The following HMBOX1 variants were observed in gnomAD, a reference collection of about 807,000 sequenced individuals.
HMBOX1 encodes homeobox-containing protein 1.
A neutral mutation model predicts 54.5 loss-of-function variants in HMBOX1; 14 were observed. The observed-to-expected ratio is 0.26, with a 90% CI of 0.17 to 0.40. The LOEUF (loss-of-function observed/expected upper bound fraction) is 0.40. Ranked by LOEUF, HMBOX1 falls within the 10% of genes least tolerant of loss-of-function variation. HMBOX1 has a pLI of 1.00. For synonymous variants in HMBOX1, 160 were observed against 181.0 expected, an observed-to-expected ratio of 0.88 and a Z score of 0.93; for missense variants, 332 against 514.4, an observed-to-expected ratio of 0.65 and a Z score of 3.43.
At chr8:28,915,997 A>G (rs1235556220) in intron 1 of HMBOX1, 1 of 152,136 alleles carries the variant, frequency 6.6e-6, no homozygotes, top group Non-Finnish European at 1.5e-5. Flanking sequence ...CTCTTACAAC[A>G]TGTCTTAATT....
At chr8:29,050,880 T>G in intron 9 of HMBOX1, 138 bp from the exon 10 acceptor site, 1 of 696,168 alleles carries the variant, frequency 1.4e-6, no homozygotes, top group Non-Finnish European at 2.4e-6. Flanking sequence ...TTAAATACAA[T>G]TTACCTCTAT....
chr8:29,041,613 A>G (rs1804833583), intron 6 of HMBOX1, among the ~76,000 whole-genome samples: 2 of 152,316 alleles, frequency 1.3e-5, no homozygotes, highest in South Asian at 2.1e-4. Flanking sequence ...TAGGGCAAAA[A>G]AAATACCTTT....
chr8:29,020,535 T>G (rs1445849260), intron 6 of HMBOX1, among the ~76,000 whole-genome samples: 1 of 152,246 alleles, frequency 6.6e-6, no homozygotes, highest in Non-Finnish European at 1.5e-5. Flanking sequence ...TATTTAGTCT[T>G]AATTTATGTT....
intron 4 of HMBOX1, among the ~76,000 whole-genome samples, chr8:28,986,653 T>C (rs1830205566): frequency 6.6e-6 from 1 of 152,202 alleles, no homozygotes; most frequent in South Asian, 2.1e-4. Context: ...CAAATCTTCT[T>C]TGAATGTACT....
intron 4 of HMBOX1, among the ~76,000 whole-genome samples, chr8:28,981,318 C>G (rs1305384326): frequency 6.6e-6 from 1 of 151,924 alleles, no homozygotes; most frequent in African/African-American, 2.4e-5. Context: ...GTGTAGAAGT[C>G]TTATACCAAA....
chr8:28,986,237 G>A (rs1470286151), intron 4 of HMBOX1, among the ~76,000 whole-genome samples: 2 of 149,872 alleles, frequency 1.3e-5, no homozygotes, highest in African/African-American at 2.4e-5. Context: ...CTCTCTTCAT[G>A]GTTTGATAGC....
intron 6 of HMBOX1, among the ~76,000 whole-genome samples, chr8:29,025,834 T>G (rs573842827): frequency 6.6e-6 from 1 of 152,144 alleles, no homozygotes; most frequent in South Asian, 2.1e-4. Flanking sequence ...TAACCTCAAG[T>G]GGGTCTTTAA....
At position 29,031,652 on chromosome 8, in the gene HMBOX1, A is replaced by G. The variant is rs563682832; in HGVS notation, c.851+12739A>G. On this transcript the variant is annotated intron_variant, in intron 6 of 9. Transcript: ENST00000287701. Reference sequence around the variant, plus strand: ...TGTGTCCTTATGGAAATTGCTTATTATAAATGACTTTAATAACCATACCTA... The same window carrying G: ...TGTGTCCTTATGGAAATTGCTTATTGTAAATGACTTTAATAACCATACCTA... Among the ~76,000 whole-genome samples the G allele has an allele frequency of 2.2e-3, 328 of 152,174 alleles. 4 individuals carry two copies. Among genetic ancestry groups the G allele is most frequent in the African/African-American group, 7.7e-3 (320 of 41,490 alleles).
At chr8:29,028,320 G>C (rs1349005448) in intron 6 of HMBOX1, among the ~76,000 whole-genome samples, 2 of 152,158 alleles carry the variant, frequency 1.3e-5, no homozygotes, top group African/African-American at 4.8e-5. Context: ...ATCTGAATTA[G>C]AGACATGCAT....
chr8:28,946,949 T>G (rs1238911176), intron 1 of HMBOX1, among the ~76,000 whole-genome samples: 2 of 152,196 alleles, frequency 1.3e-5, no homozygotes, highest in African/African-American at 4.8e-5. Flanking sequence ...TAATTCAGGA[T>G]AAGGGATTTA....
chr8:28,931,578 G>T (rs1358524835), intron 1 of HMBOX1, among the ~76,000 whole-genome samples: 1 of 152,044 alleles, frequency 6.6e-6, no homozygotes, highest in Non-Finnish European at 1.5e-5. Flanking sequence ...ATCTTGCTGT[G>T]CCACTCAGGC....
chr8:28,936,482 T>A (rs1820421995), intron 1 of HMBOX1, among the ~76,000 whole-genome samples: 1 of 151,998 alleles, frequency 6.6e-6, no homozygotes, highest in South Asian at 2.1e-4. Context: ...GCCTAGAAAT[T>A]TCCTCCGTGT....
At chr8:28,948,575 A>G (rs905241266) in intron 1 of HMBOX1, among the ~76,000 whole-genome samples, 11 of 152,202 alleles carry the variant, frequency 7.2e-5, no homozygotes, top group African/African-American at 2.7e-4. Flanking sequence ...CTGAACTCTT[A>G]ACAAAACCTT....
intron 1 of HMBOX1, among the ~76,000 whole-genome samples, chr8:28,901,813 A>G (rs1813285490): frequency 6.6e-6 from 1 of 152,162 alleles, no homozygotes; most frequent in African/African-American, 2.4e-5. Context: ...ATTGCATTCA[A>G]GTAAATTACC....
intron 5 of HMBOX1, among the ~76,000 whole-genome samples, chr8:29,015,579 C>T (rs964250381): frequency 3.1e-4 from 47 of 152,240 alleles, no homozygotes; most frequent in African/African-American, 1.1e-3. Flanking sequence ...ACTGTGAAAC[C>T]CTCCAGCCCC....
chr8:28,891,348 G>A (rs1299913043), intron 1 of HMBOX1: 1 of 152,296 alleles, frequency 6.6e-6, no homozygotes, highest in African/African-American at 2.4e-5. Flanking sequence ...TGTGGAGATG[G>A]ATTTTTTGCA....
At chr8:28,957,889 C>G (rs1824764216) in intron 1 of HMBOX1, among the ~76,000 whole-genome samples, 1 of 152,140 alleles carries the variant, frequency 6.6e-6, no homozygotes, top group African/African-American at 2.4e-5. Flanking sequence ...TGTCGAAGTG[C>G]TGGTATTACA....
intron 4 of HMBOX1, among the ~76,000 whole-genome samples, chr8:28,984,460 A>G (rs1432593199): frequency 6.6e-6 from 1 of 152,244 alleles, no homozygotes; most frequent in East Asian, 1.9e-4. Flanking sequence ...GAGGATTTCT[A>G]TTATAAGATA....
chr8:29,041,907 A>C (rs1308657969), intron 6 of HMBOX1, among the ~76,000 whole-genome samples: 1 of 152,194 alleles, frequency 6.6e-6, no homozygotes, highest in Non-Finnish European at 1.5e-5. Context: ...AATATTAATC[A>C]GGCATTGGAG....
Sources: allele counts gnomAD v4.1 joint callset (sites outside exome capture counted in the v4.1 genomes callset), GRCh38; gene constraint gnomAD v4.1.1; transcripts MANE v1.5; gene names NCBI Gene and HGNC (gene_info 2026-07-23, HGNC 2026-07-21).